The following TPMT variants were observed in gnomAD, a reference collection of about 807,000 sequenced individuals.
The protein encoded by TPMT is S-adenosyl-L-methionine:thiopurine S-methyltransferase.
Under a neutral mutation model 34.2 loss-of-function variants are expected in TPMT, and 18 were observed. That is an observed-to-expected ratio of 0.53 (90% CI 0.36 to 0.78). TPMT has a LOEUF of 0.78. Ranked by LOEUF, TPMT falls within the 30% of genes least tolerant of loss-of-function variation. The pLI, the probability that TPMT is intolerant of heterozygous loss-of-function variation, is 0.00. For missense variants in TPMT, 265 were observed against 288.1 expected, an observed-to-expected ratio of 0.92 and a Z score of 0.58; for synonymous variants, 69 against 92.4, an observed-to-expected ratio of 0.75 and a Z score of 1.45.
At position 18,148,187 on chromosome 6, in the gene TPMT, A is replaced by C. The variant is rs1484121203; in HGVS notation, c.141-272T>G. ...TTGAAAATTCTTTATTAATTCTCTA[A>C]ATATGTACTATTTTGGGGGTGATGG... On this transcript the variant is annotated intron_variant, in intron 2 of 8. Coordinates refer to ENST00000309983, the MANE Select transcript of TPMT (RefSeq NM_000367.5). The surrounding 1 kb of genome is among the most constrained non-coding windows in gnomAD (Gnocchi z 4.1). Among the ~76,000 whole-genome samples the C allele has an allele frequency of 2.6e-5, 4 of 152,086 alleles. No individual in the cohort carries two copies. The highest frequency in any genetic ancestry group is 2.9e-5 in the Non-Finnish European group (2 of 68,020).
At chr6:18,141,173 A>C (rs1189219440) in intron 4 of TPMT, among the ~76,000 whole-genome samples, 1 of 152,082 alleles carries the variant, frequency 6.6e-6, no homozygotes, top group Non-Finnish European at 1.5e-5. Context: ...ATGATTTCAA[A>C]TGTGCAGCCT....
intron 7 of TPMT, 116 bp downstream of exon 7, chr6:18,133,688 G>T: frequency 2.6e-6 from 2 of 754,726 alleles, no homozygotes; most frequent in Non-Finnish European, 4.5e-6. Flanking sequence ...ATGTATATAT[G>T]CAGTATGCTT....
At position 18,148,977 on chromosome 6, in the gene TPMT, A is replaced by G. The variant is rs2150719043; in HGVS notation, c.140+11T>C. 6.2e-7 allele frequency: 1 copy of G among 1,613,056 alleles called. No homozygotes were observed. Among genetic ancestry groups the G allele is most frequent in the South Asian group, 1.1e-5 (1 of 91,032 alleles). On this transcript the variant is annotated intron_variant, in intron 2 of 8. Transcript: ENST00000309983. This position sits in a 1 kb window ranked among gnomAD's most constrained non-coding sequence, Gnocchi z 4.1. ...AGAACATTTCTCTATTGTATACCAA[A>G]TATTTCTTACTGATGTCCTTGTTCC...
Position 18,131,356 on chromosome 6 carries a change from A to T in TPMT, c.626-576T>A, listed in dbSNP as rs528475141. On this transcript the variant is annotated intron_variant, in intron 8 of 8. Transcript: ENST00000309983. The surrounding 1 kb of genome is among the most constrained non-coding windows in gnomAD (Gnocchi z 4.3). Reference sequence around the variant, plus strand: ...TACTTTGGGAGGCCAAGACAAGAGGATCACTTGAGCCCAGGAGTTCGAGAC... The same window carrying T: ...TACTTTGGGAGGCCAAGACAAGAGGTTCACTTGAGCCCAGGAGTTCGAGAC... 8.5e-5 allele frequency among the ~76,000 whole-genome samples: 13 copies of T among 152,288 alleles called. No homozygotes were observed. The highest frequency in any genetic ancestry group is 1.9e-4 in the Non-Finnish European group (13 of 68,030).
At chr6:18,137,528 T>C (rs1446860024) in intron 6 of TPMT, among the ~76,000 whole-genome samples, 1 of 152,232 alleles carries the variant, frequency 6.6e-6, no homozygotes, top group African/African-American at 2.4e-5. Context: ...GACATTATTT[T>C]AATTGAAAGA....
At chr6:18,142,633 C>T (rs764552357) in intron 4 of TPMT, among the ~76,000 whole-genome samples, 19 of 152,068 alleles carry the variant, frequency 1.2e-4, no homozygotes, top group Non-Finnish European at 2.6e-4. Flanking sequence ...GCTCATTCTG[C>T]TCACAGCATA....
rs1037926062 is a variant in TPMT, at chr6:18,136,748, T to G, written c.494+2215A>C. On this transcript the variant is annotated intron_variant, in intron 6 of 8. Transcript: ENST00000309983. This position sits in a 1 kb window ranked among gnomAD's most constrained non-coding sequence, Gnocchi z 4.7. ...TCGCTTGAACCTGGCAGGCAGAGGT[T>G]GCGGTGAGCCGAGATAGTGCCATTG... Among the ~76,000 whole-genome samples the G allele has an allele frequency of 1.3e-5, 2 of 152,134 alleles. No homozygotes were observed. The highest frequency in any genetic ancestry group is 2.9e-5 in the Non-Finnish European group (2 of 68,016).
Position 18,143,561 on chromosome 6 carries a change from T to C in TPMT, c.366+35A>G. ...ACACTGAGAAAAACTTTTGTGGGGA[T>C]ATGGATACAATTATTTACCCAAATC... On this transcript the variant is annotated intron_variant, in intron 4 of 8. Transcript: ENST00000309983. The surrounding 1 kb of genome is among the most constrained non-coding windows in gnomAD (Gnocchi z 6.1). 1 of 1,611,536 alleles carries C rather than the reference T, an allele frequency of 6.2e-7. No individual in the cohort carries two copies. The highest frequency in any genetic ancestry group is 8.5e-7 in the Non-Finnish European group (1 of 1,179,742).
rs1354161646 is a variant in TPMT, at chr6:18,148,725, C to T, written c.140+263G>A. Among the ~76,000 whole-genome samples the T allele has an allele frequency of 6.6e-6, 1 of 151,978 alleles. No homozygotes were observed. The highest frequency in any genetic ancestry group is 1.5e-5 in the Non-Finnish European group (1 of 68,002). ...ATATTCAGGGCCAATACATAGGTGC[C>T]GTAGGGATCAAAGAACATATTTTAT... On this transcript the variant is annotated intron_variant, in intron 2 of 8. Transcript: ENST00000309983. The surrounding 1 kb of genome is among the most constrained non-coding windows in gnomAD (Gnocchi z 4.1).
In TPMT at chr6:18,135,808, G is replaced by T. The variant is rs1163706729; in HGVS notation, c.495-1919C>A. ...CACTTGAACCCAGAAGGCAGGGGTT[G>T]CAGTGAGCCGAGATCATGCCATTGC... On this transcript the variant is annotated intron_variant, in intron 6 of 8. Coordinates refer to ENST00000309983, the MANE Select transcript of TPMT (RefSeq NM_000367.5). The surrounding 1 kb of genome is among the most constrained non-coding windows in gnomAD (Gnocchi z 5.0). Among the ~76,000 whole-genome samples the T allele has an allele frequency of 1.3e-5, 2 of 152,082 alleles. No homozygotes were observed. The highest frequency in any genetic ancestry group is 3.9e-4 in the East Asian group (2 of 5,186).
At position 18,143,799 on chromosome 6, in the gene TPMT, A is replaced by G; in HGVS notation, c.234-71T>C. On this transcript the variant is annotated intron_variant, in intron 3 of 8. Transcript: ENST00000309983. This position sits in a 1 kb window ranked among gnomAD's most constrained non-coding sequence, Gnocchi z 6.1. ...CTAAATAGAGGGTTATATTAGAGTA[A>G]GCATATATTTTCTTTAATTTAGAGG... The G allele has an allele frequency of 6.4e-7, 1 of 1,571,668 alleles. No individual in the cohort carries two copies. Among genetic ancestry groups the G allele is most frequent in the South Asian group, 1.1e-5 (1 of 87,768 alleles).
rs34826076 is a variant in TPMT, at chr6:18,139,742, ATTT to A, written c.367-28_367-26del. The A allele has an allele frequency of 3.0e-5, 19 of 636,814 alleles. No homozygotes were observed. The highest frequency in any genetic ancestry group is 3.9e-5 in the Non-Finnish European group (17 of 431,170). The allele number at this position is 636,814 out of a possible 1,614,324, so 39.4% of individuals were successfully genotyped here. A position where few individuals can be genotyped will look rare whatever the true frequency, so the allele number is the denominator to read the frequency against. On this transcript the variant is annotated intron_variant, in intron 4 of 8. Transcript: ENST00000309983. The surrounding 1 kb of genome is among the most constrained non-coding windows in gnomAD (Gnocchi z 4.2). The stretch of plus-strand genomic sequence containing the variant: ...TCTGTAATGAAATAATGAAAAAAAA[ATTT>A]TTTTTTTTTACTTAGTAAGTACTTG...
rs536538858 is a variant in TPMT at position 18,153,024 on chromosome 6, C to T, written c.-45+2009G>A. ...TGTGGTAACACCGCCATTTTTTGTG[C>T]ATGGTACCCATGAAGCTCAATTACT... On this transcript the variant is annotated intron_variant, in intron 1 of 8. Transcript: ENST00000309983. This position sits in a 1 kb window ranked among gnomAD's most constrained non-coding sequence, Gnocchi z 4.2. Among the ~76,000 whole-genome samples the T allele has an allele frequency of 7.9e-5, 12 of 152,314 alleles. No individual in the cohort carries two copies. The highest frequency in any genetic ancestry group is 7.8e-4 in the Admixed American group (12 of 15,298).
chr6:18,138,909 G>T lies in TPMT; in HGVS notation c.494+54C>A. On this transcript the variant is annotated intron_variant, in intron 6 of 8. Transcript: ENST00000309983. This position sits in a 1 kb window ranked among gnomAD's most constrained non-coding sequence, Gnocchi z 4.1. ...GCTGATTTTCTAGAACCCAGAAAAA[G>T]TATAGTATACTAAAAAATTAAGACA... 6.9e-7 allele frequency: 1 copy of T among 1,439,934 alleles called. No homozygotes were observed. The highest frequency in any genetic ancestry group is 9.7e-7 in the Non-Finnish European group (1 of 1,026,268). The allele number at this position is 1,439,934 out of a possible 1,614,324, so 89.2% of individuals were successfully genotyped here.
intron 6 of TPMT, among the ~76,000 whole-genome samples, chr6:18,137,936 C>T (rs1784072628): frequency 6.6e-6 from 1 of 152,168 alleles, no homozygotes; most frequent in East Asian, 1.9e-4. Context: ...CAGGCCACCA[C>T]ATTGGGCTGA....
chr6:18,152,470 T>A (rs1186753886), intron 1 of TPMT, among the ~76,000 whole-genome samples: 2 of 152,208 alleles, frequency 1.3e-5, no homozygotes, highest in African/African-American at 2.4e-5. Flanking sequence ...TACAGCTTCT[T>A]TTTTTGCATG....
chr6:18,151,083 A>G (rs1288583760), intron 1 of TPMT, among the ~76,000 whole-genome samples: 1 of 151,582 alleles, frequency 6.6e-6, no homozygotes, highest in Non-Finnish European at 1.5e-5. Flanking sequence ...CTGACCCGGT[A>G]TGGTAAATTT....
chr6:18,154,641 A>G lies in TPMT; in HGVS notation c.-45+392T>C, dbSNP rs1784442258. 6.6e-6 allele frequency among the ~76,000 whole-genome samples: 1 copy of G among 152,142 alleles called. No homozygotes were observed. The highest frequency in any genetic ancestry group is 1.5e-5 in the Non-Finnish European group (1 of 68,006). ...TTGAAAAATTAGCCAAGCGTGGTGCAGCGAGCCTGTAGTCCCAGTTACCGA... is the reference window on the plus strand; with the variant it reads ...TTGAAAAATTAGCCAAGCGTGGTGCGGCGAGCCTGTAGTCCCAGTTACCGA... On this transcript the variant is annotated intron_variant, in intron 1 of 8. Coordinates refer to ENST00000309983, the MANE Select transcript of TPMT (RefSeq NM_000367.5). The surrounding 1 kb of genome is among the most constrained non-coding windows in gnomAD (Gnocchi z 4.2).
intron 6 of TPMT, among the ~76,000 whole-genome samples, chr6:18,137,719 A>G (rs537027459): frequency 2.7e-4 from 41 of 152,106 alleles, no homozygotes; most frequent in Non-Finnish European, 4.7e-4. Flanking sequence ...TACATATTTC[A>G]TTTCTTTCAA....
Sources: allele counts gnomAD v4.1 joint callset (sites outside exome capture counted in the v4.1 genomes callset), GRCh38; gene constraint gnomAD v4.1.1; non-coding constraint Gnocchi (gnomAD v3.1); transcripts MANE v1.5; gene names NCBI Gene and HGNC (gene_info 2026-07-23, HGNC 2026-07-21).